Variants in LSM12 observed in about 807,000 individuals in gnomAD.
LSM12 encodes LSM12 homolog.
For missense variants in LSM12, 108 were observed against 238.9 expected (o/e 0.45, Z 3.61); for synonymous variants, 74 against 87.3 (o/e 0.85, Z 0.85).
intron 1 of LSM12, among the ~76,000 whole-genome samples, chr17:44,064,512 T>C (rs1464926112): frequency 6.6e-6 from 1 of 151,174 alleles, no homozygotes; most frequent in Non-Finnish European, 1.5e-5. Context: ...GCGGGCAGAT[T>C]ACTTGAGGTC....
chr17:44,060,718 C>A (rs2049784497), intron 2 of LSM12, among the ~76,000 whole-genome samples: 1 of 152,138 alleles, frequency 6.6e-6, no homozygotes, highest in Non-Finnish European at 1.5e-5. Context: ...AGCTAGTTTA[C>A]AACAATGCTA....
In LSM12 at chr17:44,036,135, G is replaced by A. The variant is rs1229810551; in HGVS notation, c.*73C>T. ...ACATATAGGATCCCTTCCCTCCCCC[G>A]GCCTGCCTCCGCTGAAGCCACCACC... On this transcript the variant is annotated 3_prime_UTR_variant, in exon 5 of 5. Transcript: ENST00000293406. The A allele has an allele frequency of 8.8e-6, 13 of 1,473,262 alleles. No homozygotes were observed. Among genetic ancestry groups the A allele is most frequent in the South Asian group, 7.0e-5 (6 of 85,272 alleles). The allele number at this position is 1,473,262 out of a possible 1,614,324, so 91.3% of individuals were successfully genotyped here. A position where few individuals can be genotyped will look rare whatever the true frequency, so the allele number is the denominator to read the frequency against.
chr17:44,040,317 C>T, intron 2 of LSM12, 61 bp from the exon 3 acceptor site: 11 of 1,289,862 alleles, frequency 8.5e-6, no homozygotes, highest in Non-Finnish European at 1.1e-5. Context: ...TGCCAACAGT[C>T]AGGACCTAAG....
chr17:44,045,262 G>A (rs1487507558), intron 2 of LSM12, among the ~76,000 whole-genome samples: 1 of 152,034 alleles, frequency 6.6e-6, no homozygotes, highest in African/African-American at 2.4e-5. Context: ...TCCTGACCTC[G>A]TGATCTGCCC....
chr17:44,040,767 G>A (rs2049477067), intron 2 of LSM12, among the ~76,000 whole-genome samples: 1 of 151,198 alleles, frequency 6.6e-6, no homozygotes, highest in South Asian at 2.1e-4. Flanking sequence ...GAGGTCAGGA[G>A]GTCAAGACCA....
At chr17:44,044,388 A>C (rs2144079677) in intron 2 of LSM12, among the ~76,000 whole-genome samples, 1 of 152,232 alleles carries the variant, frequency 6.6e-6, no homozygotes, top group African/African-American at 2.4e-5. Flanking sequence ...TCTCCCCTAA[A>C]GTCTCCAAAA....
chr17:44,066,909 C>T (rs1041513259), upstream of LSM12, among the ~76,000 whole-genome samples: 14 of 152,232 alleles, frequency 9.2e-5, no homozygotes, highest in Admixed American at 3.3e-4. Flanking sequence ...TGCACACCTT[C>T]CACACAAGAG....
Position 44,035,692 on chromosome 17 carries a change from A to AG in LSM12, c.*515_*516insC, listed in dbSNP as rs2049407785. ...ATGCCCTGTGCAAAAAAAAAAAAAA[A>AG]AAGAAAAAAGAAAAAAAAAGGAAAA... On this transcript the variant is annotated 3_prime_UTR_variant, in exon 5 of 5. Coordinates refer to ENST00000293406, the MANE Select transcript of LSM12 (RefSeq NM_001371445.1). 7.1e-6 allele frequency: 1 copy of AG among 141,792 alleles called. No homozygotes were observed. The highest frequency in any genetic ancestry group is 2.2e-4 in the South Asian group (1 of 4,446). The allele number at this position is 141,792 out of a possible 1,614,324, so 8.8% of individuals were successfully genotyped here. A position where few individuals can be genotyped will look rare whatever the true frequency, so the allele number is the denominator to read the frequency against.
intron 2 of LSM12, among the ~76,000 whole-genome samples, chr17:44,058,130 G>C (rs997540691): frequency 6.6e-6 from 1 of 151,634 alleles, no homozygotes; most frequent in Non-Finnish European, 1.5e-5. Context: ...CCAGCTACTC[G>C]GGAGGCTGAG....
intron 2 of LSM12, 21 bp downstream of exon 2, chr17:44,063,780 G>C (rs1210322900): frequency 1.2e-6 from 2 of 1,606,418 alleles, no homozygotes; most frequent in Non-Finnish European, 1.7e-6. Flanking sequence ...TAGAGAGCCA[G>C]ATCTGCCCTT....
At chr17:44,065,884 C>G (rs188099381) in intron 1 of LSM12, among the ~76,000 whole-genome samples, 3 of 151,984 alleles carry the variant, frequency 2.0e-5, no homozygotes, top group African/African-American at 7.2e-5. Flanking sequence ...CACATACACA[C>G]GCATCAGCGA....
At chr17:44,039,581 C>T (rs1012749170) in intron 3 of LSM12, among the ~76,000 whole-genome samples, 114 of 149,292 alleles carry the variant, frequency 7.6e-4, no homozygotes, top group African/African-American at 2.8e-3. Flanking sequence ...CGGGGTTTCA[C>T]CTTGTTAGCC....
intron 2 of LSM12, among the ~76,000 whole-genome samples, chr17:44,056,508 G>A (rs2049716599): frequency 1.3e-5 from 2 of 151,944 alleles, no homozygotes; most frequent in Non-Finnish European, 2.9e-5. Flanking sequence ...TGTAGTCCCA[G>A]CTACTCAGGA....
chr17:44,059,205 C>A (rs775940790), intron 2 of LSM12, among the ~76,000 whole-genome samples: 3 of 152,130 alleles, frequency 2.0e-5, no homozygotes, highest in Admixed American at 6.6e-5. Context: ...TACACACACA[C>A]ACGAAACATA....
chr17:44,066,386 C>G, intron 1 of LSM12, 78 bp downstream of exon 1: 6 of 1,485,658 alleles, frequency 4.0e-6, no homozygotes, highest in Non-Finnish European at 4.5e-6. Flanking sequence ...GAGCCCCAGC[C>G]GCCGCCGTCG....
At chr17:44,055,958 A>G (rs1320305025) in intron 2 of LSM12, among the ~76,000 whole-genome samples, 2 of 151,584 alleles carry the variant, frequency 1.3e-5, no homozygotes, top group Non-Finnish European at 2.9e-5. Flanking sequence ...TCTTCCCTCA[A>G]TGTGACATGA....
At chr17:44,039,285 C>T (rs935523525) in intron 3 of LSM12, among the ~76,000 whole-genome samples, 8 of 151,682 alleles carry the variant, frequency 5.3e-5, no homozygotes, top group Admixed American at 1.3e-4. Flanking sequence ...GAACTCCCGA[C>T]CTCAGGTGAA....
chr17:44,064,142 C>T (rs1161552940), intron 1 of LSM12, among the ~76,000 whole-genome samples: 2 of 152,190 alleles, frequency 1.3e-5, no homozygotes, highest in African/African-American at 4.8e-5. Flanking sequence ...CAAAGGAGTT[C>T]TGTCACTTTC....
intron 2 of LSM12, among the ~76,000 whole-genome samples, chr17:44,041,078 C>G (rs1480561121): frequency 1.3e-5 from 2 of 150,882 alleles, no homozygotes; most frequent in Non-Finnish European, 2.9e-5. Context: ...CGAGACCAGC[C>G]TGGCCAACAT....
Sources: allele counts gnomAD v4.1 joint callset (sites outside exome capture counted in the v4.1 genomes callset), GRCh38; gene constraint gnomAD v4.1.1; transcripts MANE v1.5; gene names NCBI Gene and HGNC (gene_info 2026-07-23, HGNC 2026-07-21).